The following TRAPPC9 variants were observed in gnomAD, a reference collection of about 807,000 sequenced individuals.
The protein encoded by TRAPPC9 is IKK2 binding protein.
A neutral mutation model predicts 124.0 loss-of-function variants in TRAPPC9; 83 were observed. The ratio of observed to expected loss-of-function variants is 0.67; its 90% confidence interval spans 0.56 to 0.80. The LOEUF (loss-of-function observed/expected upper bound fraction) is 0.80, where lower values mean the gene tolerates loss of function less well. Among genes scored for constraint, TRAPPC9 ranks in the 30% least tolerant of loss-of-function variants. The pLI, the probability that TRAPPC9 is intolerant of heterozygous loss-of-function variation, is 0.00. For synonymous variants in TRAPPC9, 638 were observed against 617.5 expected, an observed-to-expected ratio of 1.03 and a Z score of -0.49; for missense variants, 1,302 against 1,508.3, an observed-to-expected ratio of 0.86 and a Z score of 2.27.
rs969509876 is a variant in TRAPPC9, at chr8:139,727,871, G to A, written c.*3190C>T. ...CAGGGGACTAACGGAGCATAGCAATGTGGCCTGTTAAGGGTTCCAGGAGAA... is the reference window on the plus strand; with the variant it reads ...CAGGGGACTAACGGAGCATAGCAATATGGCCTGTTAAGGGTTCCAGGAGAA... On this transcript the variant is annotated 3_prime_UTR_variant, in exon 23 of 23. Coordinates refer to ENST00000438773, the MANE Select transcript of TRAPPC9 (RefSeq NM_001160372.4). Among the ~76,000 whole-genome samples, 2 of 152,154 alleles carry A rather than the reference G, an allele frequency of 1.3e-5. No individual in the cohort carries two copies. The highest frequency in any genetic ancestry group is 1.3e-4 in the Admixed American group (2 of 15,282).
At chr8:139,801,276 C>T (rs572112402) in intron 21 of TRAPPC9, among the ~76,000 whole-genome samples, 7 of 152,356 alleles carry the variant, frequency 4.6e-5, no homozygotes, top group South Asian at 4.1e-4. Context: ...TTAGATGCAT[C>T]CTCCTGAAAG....
chr8:139,911,064 C>T (rs1021398824), intron 19 of TRAPPC9, among the ~76,000 whole-genome samples: 1 of 152,078 alleles, frequency 6.6e-6, no homozygotes, highest in Non-Finnish European at 1.5e-5. Context: ...TCTATCCCCA[C>T]CCAAATCTCA....
At chr8:140,321,672 T>G (rs369251554) in intron 9 of TRAPPC9, among the ~76,000 whole-genome samples, 2 of 152,092 alleles carry the variant, frequency 1.3e-5, no homozygotes, top group East Asian at 3.9e-4. Context: ...GGAAGACACT[T>G]TCACCGCCTG....
At chr8:139,917,167 C>CTTTTTTTCTTTTTTTT (rs1832195849) in intron 19 of TRAPPC9, among the ~76,000 whole-genome samples, 1 of 99,926 alleles carries the variant, frequency 1.0e-5, no homozygotes, top group Non-Finnish European at 1.8e-5. Flanking sequence ...TTATTATTTT[C>CTTTTTTTCTTTTTTTT]TTTTTTTTTT....
intron 17 of TRAPPC9, among the ~76,000 whole-genome samples, chr8:140,144,149 T>A (rs898359321): frequency 2.6e-5 from 4 of 152,200 alleles, no homozygotes; most frequent in African/African-American, 9.6e-5. Flanking sequence ...CATCCTTCAG[T>A]TTATCTTGGC....
intron 17 of TRAPPC9, among the ~76,000 whole-genome samples, chr8:140,186,454 C>T (rs1375661626): frequency 6.6e-6 from 1 of 151,954 alleles, no homozygotes; most frequent in Non-Finnish European, 1.5e-5. Flanking sequence ...GGCATGGTGG[C>T]GGGCACCTGT....
intron 17 of TRAPPC9, among the ~76,000 whole-genome samples, chr8:140,033,568 T>C (rs897719108): frequency 1.4e-5 from 2 of 146,662 alleles, no homozygotes; most frequent in African/African-American, 5.0e-5. Context: ...TAAAATTTCA[T>C]CCAGGGAAAT....
intron 17 of TRAPPC9, among the ~76,000 whole-genome samples, chr8:140,048,233 G>T (rs755441643): frequency 2.0e-5 from 3 of 152,232 alleles, no homozygotes; most frequent in Admixed American, 6.5e-5. Flanking sequence ...CAAGGCTGTT[G>T]TAAGGACAGT....
chr8:140,018,112 G>A (rs962523656), intron 18 of TRAPPC9, among the ~76,000 whole-genome samples: 4 of 151,772 alleles, frequency 2.6e-5, no homozygotes, highest in African/African-American at 9.7e-5. Flanking sequence ...CGAAGTGCTG[G>A]GATTATAGGC....
rs185831759 is a variant in TRAPPC9, at chr8:139,889,338, A to G, written c.2965-3369T>C. ...GTGAAAGCAGGTGGCCTAACCACGG[A>G]GCTGAACAGTTGTCCCTTCTCGGGA... On this transcript the variant is annotated intron_variant, in intron 20 of 22. Coordinates refer to ENST00000438773, the MANE Select transcript of TRAPPC9 (RefSeq NM_001160372.4). Among the ~76,000 whole-genome samples the G allele has an allele frequency of 3.5e-3, 534 of 152,166 alleles. 2 individuals are homozygous for G. Among genetic ancestry groups the G allele is most frequent in the African/African-American group, 0.012 (518 of 41,506 alleles).
At chr8:140,069,703 G>A (rs1413292560) in intron 17 of TRAPPC9, among the ~76,000 whole-genome samples, 1 of 152,130 alleles carries the variant, frequency 6.6e-6, no homozygotes, top group Non-Finnish European at 1.5e-5. Context: ...GTGTGCACAT[G>A]AGACATGAGA....
At chr8:140,366,323 G>C (rs1026735189) in intron 8 of TRAPPC9, among the ~76,000 whole-genome samples, 1 of 151,888 alleles carries the variant, frequency 6.6e-6, no homozygotes, top group Non-Finnish European at 1.5e-5. Flanking sequence ...CCCTAATCTC[G>C]AGGCTTACTA....
chr8:139,933,041 C>T (rs192564414), intron 19 of TRAPPC9: 3 of 157,116 alleles, frequency 1.9e-5, no homozygotes, highest in Non-Finnish European at 1.4e-5. Flanking sequence ...CATTCCCCGC[C>T]GGGAGCAACA....
intron 21 of TRAPPC9, among the ~76,000 whole-genome samples, chr8:139,760,992 G>A: frequency 6.6e-6 from 1 of 152,220 alleles, no homozygotes; most frequent in East Asian, 1.9e-4. Flanking sequence ...ATCTCCTACA[G>A]TCTCTGCACT....
chr8:140,303,636 G>A (rs546000203), intron 10 of TRAPPC9, among the ~76,000 whole-genome samples: 7 of 152,306 alleles, frequency 4.6e-5, no homozygotes, highest in African/African-American at 7.2e-5. Context: ...GGCCAAAAGC[G>A]CGTCTTAGGC....
chr8:140,040,109 C>T (rs544806276), intron 17 of TRAPPC9: 1 of 152,358 alleles, frequency 6.6e-6, no homozygotes, highest in Admixed American at 6.5e-5. Flanking sequence ...TGCTGATAGA[C>T]ACATGTATAT....
rs1304930815 is a variant in TRAPPC9, at chr8:139,731,894, G to A, written c.3279+85C>T. ...TGCTATCGTCTGCTGGACATATGCT[G>A]ACCCCAAAGCCCACCACCCAGGGAA... On this transcript the variant is annotated intron_variant, in intron 22 of 22. Coordinates refer to ENST00000438773, the MANE Select transcript of TRAPPC9 (RefSeq NM_001160372.4). 2.3e-6 allele frequency: 3 copies of A among 1,287,082 alleles called. No individual in the cohort carries two copies. The African/African-American group carries it at 4.4e-5, about 19-fold the overall frequency. The allele number at this position is 1,287,082 out of a possible 1,614,324, so 79.7% of individuals were successfully genotyped here.
At chr8:140,092,059 C>T (rs1237041754) in intron 17 of TRAPPC9, among the ~76,000 whole-genome samples, 1 of 146,674 alleles carries the variant, frequency 6.8e-6, no homozygotes, top group African/African-American at 2.6e-5. Flanking sequence ...CTCCACTTAG[C>T]CAATTTCCAA....
chr8:140,330,121 T>C (rs375926507), intron 9 of TRAPPC9, among the ~76,000 whole-genome samples: 43 of 151,994 alleles, frequency 2.8e-4, no homozygotes, highest in African/African-American at 9.7e-4. Context: ...TTCACGCTTT[T>C]TGCTTTCTTC....
Sources: allele counts gnomAD v4.1 joint callset (sites outside exome capture counted in the v4.1 genomes callset), GRCh38; gene constraint gnomAD v4.1.1; transcripts MANE v1.5; gene names NCBI Gene and HGNC (gene_info 2026-07-23, HGNC 2026-07-21).